Variants in PARP8 observed in about 807,000 individuals in gnomAD.
PARP8 encodes protein mono-ADP-ribosyltransferase PARP8.
Under a neutral mutation model 124.1 loss-of-function variants are expected in PARP8, and 51 were observed. The observed-to-expected ratio is 0.41, with a 90% CI of 0.33 to 0.52. PARP8 has a LOEUF of 0.52. Among genes scored for constraint, PARP8 ranks in the 20% least tolerant of loss-of-function variants. The pLI, the probability that PARP8 is intolerant of heterozygous loss-of-function variation, is 0.21. For missense variants in PARP8, 860 were observed against 1,018.9 expected (o/e 0.84, Z 2.12); for synonymous variants, 391 against 361.5 (o/e 1.08, Z -0.93).
intron 2 of PARP8, among the ~76,000 whole-genome samples, chr5:50,671,283 A>G (rs557331545): frequency 6.6e-6 from 1 of 152,320 alleles, no homozygotes; most frequent in African/African-American, 2.4e-5. Context: ...GAAGGAACAG[A>G]AGGGGTAACC....
At chr5:50,694,472 A>G (rs370240572) in intron 2 of PARP8, among the ~76,000 whole-genome samples, 1 of 152,126 alleles carries the variant, frequency 6.6e-6, no homozygotes, top group African/African-American at 2.4e-5. Flanking sequence ...TTTAATTAGC[A>G]TTTGCTAAAG....
At chr5:50,811,572 A>G (rs566680014) in intron 14 of PARP8, among the ~76,000 whole-genome samples, 15 of 151,392 alleles carry the variant, frequency 9.9e-5, no homozygotes, top group African/African-American at 3.2e-4. Context: ...AAGATATTTT[A>G]TTTCATTTTA....
intron 20 of PARP8, 27 bp downstream of exon 20, chr5:50,828,083 G>A: frequency 6.8e-7 from 1 of 1,478,354 alleles, no homozygotes; most frequent in Non-Finnish European, 9.5e-7. Flanking sequence ...GTTAATGGGG[G>A]TGTGCTCCCA....
intron 2 of PARP8, among the ~76,000 whole-genome samples, chr5:50,748,193 T>TTGTG (rs56898029): frequency 2.6e-3 from 394 of 150,194 alleles, no homozygotes; most frequent in Middle Eastern, 0.014. Flanking sequence ...TTTAAGCAGT[T>TTGTG]TGTGTGTGTG....
intron 2 of PARP8, among the ~76,000 whole-genome samples, chr5:50,718,318 CTTCT>C (rs1225171820): frequency 2.6e-5 from 4 of 152,060 alleles, no homozygotes; most frequent in East Asian, 3.9e-4. Context: ...AACCTTATAA[CTTCT>C]TTCTAAGAAG....
intron 7 of PARP8, among the ~76,000 whole-genome samples, chr5:50,769,575 G>T (rs1196892964): frequency 1.3e-5 from 2 of 151,832 alleles, no homozygotes; most frequent in African/African-American, 4.8e-5. Flanking sequence ...GAAGACAGAT[G>T]CACATAGATT....
In PARP8 at chr5:50,828,378, A is replaced by G. The variant is rs764308430; in HGVS notation, c.2157A>G (p.Arg719=). The change falls in exon 21 of 26, where the codon CGA becomes CGG. Residue 719 remains arginine (R), a synonymous_variant. Transcript: ENST00000281631. ...RNGLVVASNT[R]LQLHGAMYGS... ...GTCTGGTTGTTGCTTCTAATACACG[A>G]TTGCAGGTAGATTTTCTGAATGCTT... 1.4e-5 allele frequency: 22 copies of G among 1,611,862 alleles called. No homozygotes were observed. Among genetic ancestry groups the G allele is most frequent in the Non-Finnish European group, 1.8e-5 (21 of 1,178,246 alleles).
chr5:50,738,932 T>C (rs1757747953), intron 2 of PARP8: 1 of 701,000 alleles, frequency 1.4e-6, no homozygotes, highest in Non-Finnish European at 2.6e-6. Context: ...ATCAGGGCTC[T>C]GCCTCTGTCT....
intron 2 of PARP8, among the ~76,000 whole-genome samples, chr5:50,739,498 AAC>A (rs1757808061): frequency 6.6e-6 from 1 of 151,866 alleles, no homozygotes; most frequent in Admixed American, 6.6e-5. Flanking sequence ...TCCTCTTCAC[AAC>A]ACTAGGGGAG....
In PARP8 at chr5:50,763,009, G is replaced by A. The variant is rs539182592; in HGVS notation, c.424-139G>A. The A allele has an allele frequency of 3.7e-5, 21 of 573,110 alleles. 1 individual carries two copies. The highest frequency in any genetic ancestry group is 2.4e-4 in the South Asian group (10 of 40,866). 35.5% of individuals were successfully genotyped at this position (573,110 alleles called of 1,614,324 possible). A position where few individuals can be genotyped will look rare whatever the true frequency, so the allele number is the denominator to read the frequency against. ...TTTTTCTAGTCATATGTGAACCTAA[G>A]GATATTAGTGAATATATTACTTTAT... On this transcript the variant is annotated intron_variant, in intron 6 of 25. Transcript: ENST00000281631.
chr5:50,708,888 TCTC>T (rs1754434834), intron 2 of PARP8, among the ~76,000 whole-genome samples: 1 of 151,914 alleles, frequency 6.6e-6, no homozygotes, highest in African/African-American at 2.4e-5. Context: ...CTCAAGCAAT[TCTC>T]CTGCTTCAGC....
chr5:50,818,231 C>CT (rs760184554), intron 15 of PARP8, among the ~76,000 whole-genome samples: 2 of 66,980 alleles, frequency 3.0e-5, no homozygotes, highest in African/African-American at 1.7e-4. Context: ...TTTATTTTTT[C>CT]TTTCTTTTCT....
At chr5:50,832,213 C>A (rs1181628509) in intron 22 of PARP8, among the ~76,000 whole-genome samples, 1 of 152,106 alleles carries the variant, frequency 6.6e-6, no homozygotes, top group Non-Finnish European at 1.5e-5. Flanking sequence ...TACAAATCTA[C>A]CTATTCTAAA....
At chr5:50,715,388 A>G (rs536296541) in intron 2 of PARP8, among the ~76,000 whole-genome samples, 1 of 152,056 alleles carries the variant, frequency 6.6e-6, no homozygotes, top group African/African-American at 2.4e-5. Context: ...TAACCGTTCT[A>G]GGAATTTATT....
chr5:50,690,926 T>G (rs764491055), intron 2 of PARP8, among the ~76,000 whole-genome samples: 1 of 152,202 alleles, frequency 6.6e-6, no homozygotes, highest in Non-Finnish European at 1.5e-5. Flanking sequence ...CTCAAATTTC[T>G]TATTTCTCTA....
chr5:50,783,532 T>G (rs548716503), intron 9 of PARP8, among the ~76,000 whole-genome samples: 1 of 152,204 alleles, frequency 6.6e-6, no homozygotes, highest in Admixed American at 6.5e-5. Context: ...GTTGGCCCTG[T>G]TGCTCTATGT....
intron 2 of PARP8, among the ~76,000 whole-genome samples, chr5:50,675,467 G>A (rs1750515525): frequency 6.6e-6 from 1 of 152,088 alleles, no homozygotes; most frequent in Non-Finnish European, 1.5e-5. Flanking sequence ...ACCACGGCCG[G>A]CTAATTTTTT....
rs1396087549 is a variant in PARP8 at position 50,842,740 on chromosome 5, A to G, written c.*672A>G. 1 of 151,738 alleles carries G rather than the reference A, an allele frequency of 6.6e-6. No homozygotes were observed. Among genetic ancestry groups the G allele is most frequent in the African/African-American group, 2.4e-5 (1 of 41,376 alleles). The allele number at this position is 151,738 out of a possible 1,614,324, so 9.4% of individuals were successfully genotyped here. ...TCACAATTCTATCCTCGTTTAATGG[A>G]AAGAAGATAATATTTAGTAAGCAAT... is the stretch of plus-strand genomic sequence containing the variant. On this transcript the variant is annotated 3_prime_UTR_variant, in exon 26 of 26. Coordinates refer to ENST00000281631, the MANE Select transcript of PARP8 (RefSeq NM_024615.4).
In PARP8 at chr5:50,698,297, A is replaced by C. The variant is rs149644354; in HGVS notation, c.146+30172A>C. On this transcript the variant is annotated intron_variant, in intron 2 of 25. Transcript: ENST00000281631. ...GTGTCTGCCACTCTGGCAGATGATG[A>C]ATTCAACATGACCTTTGTACTTGAA... 3.7e-3 allele frequency among the ~76,000 whole-genome samples: 562 copies of C among 152,330 alleles called. 3 individuals are homozygous for C. Among genetic ancestry groups the C allele is most frequent in the Non-Finnish European group, 5.3e-3 (360 of 68,018 alleles).
Sources: gnomAD v4.1 joint callset for allele counts (sites outside exome capture counted in the v4.1 genomes callset) on GRCh38, gnomAD v4.1.1 for gene constraint, MANE v1.5 for transcripts, NCBI Gene and HGNC (gene_info 2026-07-23, HGNC 2026-07-21) for gene names.